The following SH3KBP1 variants were observed in gnomAD, a reference collection of about 807,000 sequenced individuals.
SH3KBP1 encodes the protein SH3 domain-containing kinase-binding protein 1.
A neutral mutation model predicts 50.1 loss-of-function variants in SH3KBP1; 8 were observed. The ratio of observed to expected loss-of-function variants is 0.16; its 90% CI spans 0.09 to 0.29. The LOEUF is 0.29. Ranked by LOEUF, SH3KBP1 falls within the 10% of genes least tolerant of loss-of-function variation. The pLI, the probability that SH3KBP1 is intolerant of heterozygous loss-of-function variation, is 1.00. For synonymous variants in SH3KBP1, 227 were observed against 218.6 expected, an observed-to-expected ratio of 1.04 and a Z score of -0.34; for missense variants, 377 against 535.2, an observed-to-expected ratio of 0.70 and a Z score of 2.92.
At chrX:19,794,263 A>G (rs752634023) in intron 2 of SH3KBP1, among the ~76,000 whole-genome samples, 1 of 106,602 alleles carries the variant, frequency 9.4e-6, no homozygotes, top group East Asian at 2.9e-4. Context: ...TCAGCCAGGC[A>G]TGGTGGTGTG....
At chrX:19,683,308 G>C (rs771379927) in intron 6 of SH3KBP1, 13 of 367,307 alleles carry the variant, frequency 3.5e-5, no homozygotes, top group Admixed American at 2.9e-4. Flanking sequence ...CACAGCACAG[G>C]CCATCTCCAT....
chrX:19,694,499 T>C (rs2063368482), intron 5 of SH3KBP1, among the ~76,000 whole-genome samples: 1 of 109,864 alleles, frequency 9.1e-6, no homozygotes, highest in African/African-American at 3.3e-5. Context: ...CTTCCTACCA[T>C]AGACTCTAGG....
At chrX:19,766,483 CTTTTTTTTTTTTTTT>C (rs61439964) in intron 2 of SH3KBP1, among the ~76,000 whole-genome samples, 24 of 22,586 alleles carry the variant, frequency 1.1e-3, no homozygotes, top group East Asian at 5.0e-3. Flanking sequence ...TTGATTGCAT[CTTTTTTTTTTTTTTT>C]TTTTTTTTTT....
chrX:19,614,323 C>T (rs894492472), intron 8 of SH3KBP1, among the ~76,000 whole-genome samples: 2 of 112,792 alleles, frequency 1.8e-5, no homozygotes, highest in African/African-American at 6.4e-5. Flanking sequence ...AGAGAGGGCA[C>T]GTGAGACCTG....
intron 6 of SH3KBP1, among the ~76,000 whole-genome samples, chrX:19,667,843 G>A (rs1297902431): frequency 2.1e-5 from 1 of 47,008 alleles, no homozygotes; most frequent in Admixed American, 3.2e-4. Flanking sequence ...TTTTTTTACC[G>A]TATACTTGAA....
intron 13 of SH3KBP1, among the ~76,000 whole-genome samples, chrX:19,568,819 C>T (rs139026273): frequency 6.5e-4 from 74 of 113,085 alleles, no homozygotes; most frequent in African/African-American, 2.2e-3. Context: ...AACATAAGGG[C>T]TAATGCCCAC....
chrX:19,759,509 T>G (rs2065315057), intron 2 of SH3KBP1, among the ~76,000 whole-genome samples: 1 of 112,182 alleles, frequency 8.9e-6, no homozygotes, highest in Non-Finnish European at 1.9e-5. Context: ...TATACACATT[T>G]ATATCCAGGA....
At chrX:19,851,428 G>A (rs955492687) in intron 1 of SH3KBP1, among the ~76,000 whole-genome samples, 2 of 112,952 alleles carry the variant, frequency 1.8e-5, no homozygotes, top group Non-Finnish European at 3.7e-5. Context: ...GCCTGTGTCC[G>A]CCACTAGACT....
intron 3 of SH3KBP1, among the ~76,000 whole-genome samples, chrX:19,741,940 A>T (rs1194586105): frequency 9.0e-6 from 1 of 111,704 alleles, no homozygotes; most frequent in Non-Finnish European, 1.9e-5. Context: ...GCAGAGATAC[A>T]TCTTCTCTGC....
chrX:19,786,082 T>C (rs1569471501), intron 2 of SH3KBP1, among the ~76,000 whole-genome samples: 1 of 112,338 alleles, frequency 8.9e-6, no homozygotes, highest in Non-Finnish European at 1.9e-5. Flanking sequence ...ATGTTACCTG[T>C]ATTGCACAAT....
intron 3 of SH3KBP1, among the ~76,000 whole-genome samples, chrX:19,722,569 GGTGTGTGTGTGTGTGTGTGTGT>G (rs55675573): frequency 4.7e-5 from 4 of 84,259 alleles, no homozygotes; most frequent in East Asian, 3.9e-4. Context: ...CGTGCGCACT[GGTGTGTGTGTGTGTGTGTGTGT>G]GTGTGTGTGT....
intron 6 of SH3KBP1, among the ~76,000 whole-genome samples, chrX:19,651,046 T>G (rs2062111530): frequency 9.0e-6 from 1 of 111,516 alleles, no homozygotes. Flanking sequence ...TGTAAACTTT[T>G]TATATTTATT....
chrX:19,878,245 T>G (rs1027377003), intron 1 of SH3KBP1, among the ~76,000 whole-genome samples: 5 of 110,235 alleles, frequency 4.5e-5, no homozygotes, highest in African/African-American at 1.7e-4. Flanking sequence ...ATCAACCATG[T>G]GTGTGAATTC....
chrX:19,776,636 C>T (rs1368500484), intron 2 of SH3KBP1, among the ~76,000 whole-genome samples: 3 of 96,325 alleles, frequency 3.1e-5, no homozygotes, highest in African/African-American at 1.2e-4. Context: ...TAATCTCAAA[C>T]TCCTGGGCTC....
In SH3KBP1 at chrX:19,887,363, G is replaced by A; in HGVS notation, c.-53C>T. 1 of 948,536 alleles carries A rather than the reference G, an allele frequency of 1.1e-6. No homozygotes were observed. Among genetic ancestry groups the A allele is most frequent in the Non-Finnish European group, 1.3e-6 (1 of 756,499 alleles). 78.2% of individuals were successfully genotyped at this position (948,536 alleles called of 1,213,427 possible). ...GGCAGCGTGAAAGTTGGCGGAGGCG[G>A]GCGTGGGGGTTGGGGCGCCGGGATC... On this transcript the variant is annotated 5_prime_UTR_variant, in exon 1 of 18. Transcript: ENST00000397821.
At chrX:19,557,254 T>C (rs1236734129) in intron 13 of SH3KBP1, among the ~76,000 whole-genome samples, 1 of 111,779 alleles carries the variant, frequency 8.9e-6, no homozygotes, top group African/African-American at 3.3e-5. Flanking sequence ...TGTTTTCAAA[T>C]GGGCAGGAAA....
intron 5 of SH3KBP1, among the ~76,000 whole-genome samples, chrX:19,689,905 A>G (rs1044171088): frequency 8.9e-6 from 1 of 111,980 alleles, no homozygotes; most frequent in Middle Eastern, 4.2e-3. Context: ...ATGATGCCAC[A>G]GAGTGGGATT....
intron 3 of SH3KBP1, among the ~76,000 whole-genome samples, chrX:19,727,483 T>C (rs1463968303): frequency 8.9e-6 from 1 of 112,443 alleles, no homozygotes; most frequent in Non-Finnish European, 1.9e-5. Flanking sequence ...TGTTACAGCA[T>C]GTGTCATAAT....
intron 2 of SH3KBP1, among the ~76,000 whole-genome samples, chrX:19,793,713 C>T (rs186566034): frequency 6.3e-5 from 7 of 111,762 alleles, no homozygotes; most frequent in African/African-American, 2.0e-4. Context: ...TCACATTAAC[C>T]TACTTCAGAT....
Sources: gnomAD v4.1 joint callset for allele counts (sites outside exome capture counted in the v4.1 genomes callset) on GRCh38, gnomAD v4.1.1 for gene constraint, MANE v1.5 for transcripts, NCBI Gene and HGNC (gene_info 2026-07-23, HGNC 2026-07-21) for gene names.